Variants in DOP1B observed in about 807,000 individuals in gnomAD.
The protein encoded by DOP1B is protein DOP1B.
In DOP1B, 174 loss-of-function variants were observed where a neutral mutation model predicts 233.5. That is an observed-to-expected ratio of 0.75 (90% confidence interval 0.66 to 0.85). The LOEUF is 0.85. Among genes scored for constraint, DOP1B ranks in the 40% least tolerant of loss-of-function variants. The probability of loss-of-function intolerance (pLI) is 0.00; values close to 1 mark genes in which losing one functional copy is unlikely to be tolerated. For synonymous variants in DOP1B, 1,190 were observed against 1,185.6 expected (o/e 1.00, Z -0.08); for missense variants, 2,652 against 2,846.6 (o/e 0.93, Z 1.56).
At chr21:36,162,146 G>A (rs2065875090) in intron 1 of DOP1B, among the ~76,000 whole-genome samples, 1 of 152,192 alleles carries the variant, frequency 6.6e-6, no homozygotes, top group Non-Finnish European at 1.5e-5. Flanking sequence ...GGGCCTGCTT[G>A]CTGTATCCTC....
intron 23 of DOP1B, among the ~76,000 whole-genome samples, chr21:36,257,596 T>TGATA (rs34032773): frequency 0.13 from 19,413 of 150,078 alleles, 1,227 homozygotes; most frequent in Middle Eastern, 0.15. Context: ...CGTAGATAGA[T>TGATA]GATAGATAGA....
chr21:36,160,180 T>C (rs2123379517), intron 1 of DOP1B, among the ~76,000 whole-genome samples: 1 of 152,250 alleles, frequency 6.6e-6, no homozygotes, highest in East Asian at 1.9e-4. Context: ...TATCAACTTC[T>C]TAGTCTTTAC....
intron 2 of DOP1B, chr21:36,169,473 T>C: frequency 9.1e-7 from 1 of 1,102,304 alleles, no homozygotes; most frequent in East Asian, 2.4e-5. Flanking sequence ...AGCTTCTTGG[T>C]GTGCCAACAA....
At chr21:36,270,575 A>G (rs1188330870) in intron 27 of DOP1B, among the ~76,000 whole-genome samples, 2 of 149,776 alleles carry the variant, frequency 1.3e-5, no homozygotes, top group Admixed American at 1.3e-4. Flanking sequence ...AAAAAAAAAA[A>G]AAAGTATTTA....
intron 4 of DOP1B, among the ~76,000 whole-genome samples, chr21:36,203,046 A>C (rs751201390): frequency 4.6e-5 from 7 of 152,268 alleles, no homozygotes; most frequent in Non-Finnish European, 5.9e-5. Context: ...TGTGAATCAC[A>C]CTAGAAGTGT....
intron 15 of DOP1B, among the ~76,000 whole-genome samples, chr21:36,233,685 A>G (rs564495616): frequency 2.6e-5 from 4 of 152,144 alleles, no homozygotes; most frequent in Admixed American, 6.6e-5. Flanking sequence ...TCCAGACTCT[A>G]AATGGTTGGT....
rs2066752150 is a variant in DOP1B, at chr21:36,230,719, A to C, written c.1935A>C (p.Val645=). The C allele has an allele frequency of 6.2e-7, 1 of 1,614,106 alleles. No individual in the cohort carries two copies. The highest frequency in any genetic ancestry group is 1.3e-5 in the African/African-American group (1 of 74,944). ...TTGCCAGCAAGAACATTTTTGGAGT[A>C]CAGCTGACAGCGTCAGGAGAAGAAA... ...ANFASKNIFG[V]QLTASGEESK... is the part of the protein sequence containing the mutation. Residue 645 remains valine (V), a synonymous_variant, in exon 14 of 37, where the codon GTA becomes GTC. Coordinates refer to ENST00000691173, the MANE Select transcript of DOP1B (RefSeq NM_001320714.2).
intron 5 of DOP1B, among the ~76,000 whole-genome samples, chr21:36,210,121 T>G (rs1407574668): frequency 1.3e-5 from 2 of 151,930 alleles, no homozygotes; most frequent in Non-Finnish European, 2.9e-5. Context: ...TACTCTTGGA[T>G]CTGACTGGTT....
intron 12 of DOP1B, among the ~76,000 whole-genome samples, chr21:36,226,927 A>G (rs547728999): frequency 6.6e-6 from 1 of 152,128 alleles, no homozygotes; most frequent in South Asian, 2.1e-4. Context: ...GAAAATTAAT[A>G]TGGTATGGTG....
chr21:36,264,625 C>T (rs2067212346), intron 26 of DOP1B, among the ~76,000 whole-genome samples: 1 of 151,984 alleles, frequency 6.6e-6, no homozygotes, highest in African/African-American at 2.4e-5. Context: ...AGACATGCCA[C>T]CACGCCCGGC....
intron 17 of DOP1B, 80 bp from the exon 18 acceptor site, chr21:36,239,685 C>T: frequency 6.2e-6 from 9 of 1,440,012 alleles, no homozygotes; most frequent in Non-Finnish European, 8.3e-6. Context: ...TTGGGTGACG[C>T]CCTATGCCCA....
chr21:36,193,093 A>G (rs1205793444), intron 2 of DOP1B, among the ~76,000 whole-genome samples: 2 of 152,252 alleles, frequency 1.3e-5, no homozygotes, highest in Non-Finnish European at 2.9e-5. Context: ...CTTTGGGTAC[A>G]GGGCATTAGC....
chr21:36,267,363 A>G (rs1468003161), intron 26 of DOP1B, among the ~76,000 whole-genome samples: 1 of 152,174 alleles, frequency 6.6e-6, no homozygotes, highest in African/African-American at 2.4e-5. Flanking sequence ...ACTGAATACA[A>G]TTTATGGTTT....
chr21:36,231,679 GTTTT>G (rs1224600446), intron 14 of DOP1B, among the ~76,000 whole-genome samples: 1 of 131,922 alleles, frequency 7.6e-6, no homozygotes, highest in Non-Finnish European at 1.6e-5. Flanking sequence ...GGGTTTTTTT[GTTTT>G]TTTTTTTTTT....
chr21:36,231,989 G>T (rs1350963339), intron 14 of DOP1B, among the ~76,000 whole-genome samples: 1 of 152,084 alleles, frequency 6.6e-6, no homozygotes, highest in African/African-American at 2.4e-5. Context: ...GGGGTTACAG[G>T]CACACGCCAC....
At chr21:36,179,632 A>G (rs1038617005) in intron 2 of DOP1B, among the ~76,000 whole-genome samples, 4 of 152,194 alleles carry the variant, frequency 2.6e-5, no homozygotes, top group African/African-American at 9.7e-5. Flanking sequence ...ACACACAGCC[A>G]TGGAACCAAG....
intron 27 of DOP1B, among the ~76,000 whole-genome samples, chr21:36,272,234 T>A (rs1432734403): frequency 6.6e-6 from 1 of 152,220 alleles, no homozygotes; most frequent in Admixed American, 6.5e-5. Flanking sequence ...CCACCTGTAA[T>A]CCCAGCACTT....
At chr21:36,160,032 C>T (rs570802169) in intron 1 of DOP1B, among the ~76,000 whole-genome samples, 1 of 152,164 alleles carries the variant, frequency 6.6e-6, no homozygotes, top group South Asian at 2.1e-4. Context: ...TGTTTCTTTC[C>T]CCCATGTTTA....
chr21:36,274,994 G>A (rs1831682875), intron 27 of DOP1B, among the ~76,000 whole-genome samples: 1 of 151,824 alleles, frequency 6.6e-6, no homozygotes, highest in Non-Finnish European at 1.5e-5. Context: ...ACAGGTGCAC[G>A]CCACCACACC....
Sources: gnomAD v4.1 joint callset for allele counts (sites outside exome capture counted in the v4.1 genomes callset) on GRCh38, gnomAD v4.1.1 for gene constraint, MANE v1.5 for transcripts, NCBI Gene and HGNC (gene_info 2026-07-23, HGNC 2026-07-21) for gene names.